The following PRKN variants were observed in gnomAD, a reference collection of about 807,000 sequenced individuals.
The protein encoded by PRKN is E3 ubiquitin-protein ligase parkin.
In PRKN, 56 loss-of-function variants were observed where a neutral mutation model predicts 59.5. The ratio of observed to expected loss-of-function variants is 0.94; its 90% CI spans 0.76 to 1.18. PRKN has a LOEUF of 1.18. PRKN is among the 50% of genes most tolerant of loss of function. The pLI, the probability that PRKN is intolerant of heterozygous loss-of-function variation, is 0.00. For synonymous variants in PRKN, 250 were observed against 222.1 expected, an observed-to-expected ratio of 1.13 and a Z score of -1.12; for missense variants, 657 against 596.4, an observed-to-expected ratio of 1.10 and a Z score of -1.06.
At chr6:161,435,350 C>G in intron 9 of PRKN, among the ~76,000 whole-genome samples, 1 of 152,160 alleles carries the variant, frequency 6.6e-6, no homozygotes, top group East Asian at 1.9e-4. Context: ...TCTGACGCCT[C>G]CTGCCTGGTT....
rs1219184077 is a variant in PRKN at position 161,362,750 on chromosome 6, C to G, written c.1168-2545G>C. Among the ~76,000 whole-genome samples the G allele has an allele frequency of 6.6e-6, 1 of 152,196 alleles. No individual in the cohort carries two copies. Among genetic ancestry groups the G allele is most frequent in the African/African-American group, 2.4e-5 (1 of 41,450 alleles). ...TGGAACCAGGCGGAAGCAAAAATATCTTTTGTGGAGCACAGCACTTTAAAA... is the reference window on the plus strand; with the variant it reads ...TGGAACCAGGCGGAAGCAAAAATATGTTTTGTGGAGCACAGCACTTTAAAA... On this transcript the variant is annotated intron_variant, in intron 10 of 11. Transcript: ENST00000366898. This position sits in a 1 kb window ranked among gnomAD's most constrained non-coding sequence, Gnocchi z 5.2.
At chr6:162,710,047 A>AG (rs1204526679) in intron 1 of PRKN, among the ~76,000 whole-genome samples, 5 of 152,134 alleles carry the variant, frequency 3.3e-5, no homozygotes, top group African/African-American at 1.2e-4. Flanking sequence ...ACAAGGGGGC[A>AG]GCAAGAAAGA....
At chr6:161,766,327 TAGAC>T in intron 7 of PRKN, among the ~76,000 whole-genome samples, 1 of 151,640 alleles carries the variant, frequency 6.6e-6, no homozygotes. Flanking sequence ...TTTTTTTTTT[TAGAC>T]AGAGTCTCGA....
chr6:162,077,957 C>G (rs1778898073), intron 4 of PRKN, among the ~76,000 whole-genome samples: 2 of 146,232 alleles, frequency 1.4e-5, no homozygotes, highest in African/African-American at 5.1e-5. Flanking sequence ...GCCAAGATCA[C>G]ACCACTGCAC....
chr6:162,250,184 TAA>T (rs60906011), intron 3 of PRKN, among the ~76,000 whole-genome samples: 32,955 of 141,850 alleles, frequency 0.23, 4,428 homozygotes, highest in African/African-American at 0.4. Flanking sequence ...TGATTATTTA[TAA>T]GGGGGGGGGC....
intron 6 of PRKN, among the ~76,000 whole-genome samples, chr6:161,900,474 G>GTAATATATAATATAAATTATATATTA (rs1364443898): frequency 7.2e-6 from 1 of 138,600 alleles, no homozygotes; most frequent in African/African-American, 2.7e-5. Context: ...AATTTACTAT[G>GTAATATATAATATAAATTATATATTA]TAATATATAA....
chr6:162,606,120 A>G (rs1475886756), intron 1 of PRKN, among the ~76,000 whole-genome samples: 1 of 152,194 alleles, frequency 6.6e-6, no homozygotes, highest in Non-Finnish European at 1.5e-5. Context: ...AGCAAAATAG[A>G]TGTGAACAAA....
chr6:162,583,953 C>T (rs1335037945), intron 1 of PRKN, among the ~76,000 whole-genome samples: 1 of 152,188 alleles, frequency 6.6e-6, no homozygotes, highest in East Asian at 1.9e-4. Context: ...GTGGCTCACG[C>T]CTGTAATCCC....
intron 5 of PRKN, among the ~76,000 whole-genome samples, chr6:162,029,893 C>G (rs1308139180): frequency 2.6e-5 from 4 of 152,174 alleles, no homozygotes; most frequent in South Asian, 4.1e-4. Context: ...GGTGGGAGTG[C>G]AGTGGTATTA....
chr6:161,473,762 T>G lies in PRKN; in HGVS notation c.1083+75092A>C, dbSNP rs990420111. Among the ~76,000 whole-genome samples, 13 of 152,178 alleles carry G rather than the reference T, an allele frequency of 8.5e-5. No homozygotes were observed. Among genetic ancestry groups the G allele is most frequent in the African/African-American group, 2.7e-4 (11 of 41,440 alleles). ...AAAAAGTAACCATGAAGATGATAAG[T>G]ATGTTAATTTGCTTGAGTATAGTAA... is the stretch of plus-strand genomic sequence containing the variant. On this transcript the variant is annotated intron_variant, in intron 9 of 11. Transcript: ENST00000366898. The surrounding 1 kb of genome is among the most constrained non-coding windows in gnomAD (Gnocchi z 4.1).
intron 7 of PRKN, among the ~76,000 whole-genome samples, chr6:161,680,759 ATATATATATATATATATT>A (rs1311847872): frequency 0.034 from 383 of 11,432 alleles, 12 homozygotes; most frequent in East Asian, 0.043. Flanking sequence ...ATATATATAT[ATATATATATATATATATT>A]TTTTTTTTTT....
At chr6:161,805,141 T>A (rs1319055829) in intron 6 of PRKN, among the ~76,000 whole-genome samples, 1 of 152,196 alleles carries the variant, frequency 6.6e-6, no homozygotes, top group Non-Finnish European at 1.5e-5. Context: ...AATACAGTCA[T>A]GAATTTTCTG....
rs1787099011 is a variant in PRKN, at chr6:161,402,598, A to T, written c.1084-15721T>A. On this transcript the variant is annotated intron_variant, in intron 9 of 11. Coordinates refer to ENST00000366898, the MANE Select transcript of PRKN (RefSeq NM_004562.3). This position sits in a 1 kb window ranked among gnomAD's most constrained non-coding sequence, Gnocchi z 4.5. ...GGGCTATTGATTAAAATGGCATATA[A>T]ACAGATTAACAGGAGAAAGAGCATA... 1.3e-5 allele frequency among the ~76,000 whole-genome samples: 2 copies of T among 152,048 alleles called. No individual in the cohort carries two copies. Among genetic ancestry groups the T allele is most frequent in the East Asian group, 3.9e-4 (2 of 5,182 alleles).
At chr6:161,698,611 A>AC (rs1786121904) in intron 7 of PRKN, among the ~76,000 whole-genome samples, 1 of 151,984 alleles carries the variant, frequency 6.6e-6, no homozygotes, top group African/African-American at 2.4e-5. Context: ...TATTGGTACA[A>AC]ACAGAATAGA....
chr6:162,606,204 G>C (rs1208537109), intron 1 of PRKN, among the ~76,000 whole-genome samples: 1 of 151,962 alleles, frequency 6.6e-6, no homozygotes, highest in Non-Finnish European at 1.5e-5. Flanking sequence ...CCTATGATAG[G>C]GTTACATCCC....
intron 4 of PRKN, among the ~76,000 whole-genome samples, chr6:162,162,129 C>T (rs1782785522): frequency 6.6e-6 from 1 of 152,164 alleles, no homozygotes. Context: ...GTCGCCCAAG[C>T]TGGAGTGCAG....
At position 161,352,729 on chromosome 6, in the gene PRKN, G is replaced by GTGTGTC. The variant is rs201467034; in HGVS notation, c.1286-2519_1286-2518insGACACA. Among the ~76,000 whole-genome samples the GTGTGTC allele has an allele frequency of 7.7e-6, 1 of 129,122 alleles. No individual in the cohort carries two copies. Among genetic ancestry groups the GTGTGTC allele is most frequent in the Admixed American group, 7.4e-5 (1 of 13,440 alleles). The allele number at this position is 129,122 out of a possible 152,430, so 84.7% of individuals were successfully genotyped here. On this transcript the variant is annotated intron_variant, in intron 11 of 11. Transcript: ENST00000366898. The surrounding 1 kb of genome is among the most constrained non-coding windows in gnomAD (Gnocchi z 5.8). Reference sequence around the variant, plus strand: ...ATAAACACAAATATGTATGAAGAGTGTGTGTGTGTGTGTGTGTGTGTGTGT... The same window carrying GTGTGTC: ...ATAAACACAAATATGTATGAAGAGTGTGTGTCTGTGTGTGTGTGTGTGTGTGTGTGT...
chr6:161,476,039 T>C (rs796545303), intron 9 of PRKN, among the ~76,000 whole-genome samples: 4 of 151,838 alleles, frequency 2.6e-5, no homozygotes, highest in African/African-American at 9.7e-5. Context: ...ACAAAAAAAT[T>C]AGCCGGGCGT....
At chr6:162,557,425 T>A (rs1779653647) in intron 1 of PRKN, among the ~76,000 whole-genome samples, 1 of 152,242 alleles carries the variant, frequency 6.6e-6, no homozygotes. Flanking sequence ...GGTCTTGCCC[T>A]GAACCCCAAT....
Sources: allele counts gnomAD v4.1 joint callset (sites outside exome capture counted in the v4.1 genomes callset), GRCh38; gene constraint gnomAD v4.1.1; non-coding constraint Gnocchi (gnomAD v3.1); transcripts MANE v1.5; gene names NCBI Gene and HGNC (gene_info 2026-07-23, HGNC 2026-07-21).